The following SRRM3 variants were observed in gnomAD, a reference collection of about 807,000 sequenced individuals.
The protein encoded by SRRM3 is serine/arginine repetitive matrix protein 3.
Under a neutral mutation model 66.2 loss-of-function variants are expected in SRRM3, and 27 were observed. The observed-to-expected ratio is 0.41, with a 90% CI of 0.30 to 0.56. The LOEUF (loss-of-function observed/expected upper bound fraction) is 0.56, where lower values mean the gene tolerates loss of function less well. Among genes scored for constraint, SRRM3 ranks in the 20% least tolerant of loss-of-function variants. SRRM3 has a pLI of 0.32. For synonymous variants in SRRM3, 391 were observed against 414.9 expected, an observed-to-expected ratio of 0.94 and a Z score of 0.70; for missense variants, 918 against 991.9, an observed-to-expected ratio of 0.93 and a Z score of 1.00.
chr7:76,226,711 C>T (rs1014060817), intron 1 of SRRM3, among the ~76,000 whole-genome samples: 5 of 152,190 alleles, frequency 3.3e-5, no homozygotes, highest in Non-Finnish European at 5.9e-5. Flanking sequence ...CTGCCTCAGC[C>T]TCCCAAGTAG....
intron 1 of SRRM3, among the ~76,000 whole-genome samples, chr7:76,209,832 C>A (rs1414792363): frequency 6.6e-6 from 1 of 152,088 alleles, no homozygotes; most frequent in African/African-American, 2.4e-5. Flanking sequence ...TCTCAAATGC[C>A]TGGCCTCAAG....
chr7:76,204,013 G>C (rs1298777775), intron 1 of SRRM3, among the ~76,000 whole-genome samples: 2 of 152,078 alleles, frequency 1.3e-5, no homozygotes, highest in African/African-American at 2.4e-5. Context: ...CCTGCCAAAG[G>C]GGGGGTCTGG....
At chr7:76,262,531 A>AC (rs1583922246) in intron 8 of SRRM3, among the ~76,000 whole-genome samples, 2 of 151,444 alleles carry the variant, frequency 1.3e-5, no homozygotes, top group East Asian at 3.9e-4. Flanking sequence ...AAAAAAAAAA[A>AC]AAAACAAAGT....
chr7:76,236,589 C>A (rs1194537750), intron 2 of SRRM3, among the ~76,000 whole-genome samples: 1 of 152,182 alleles, frequency 6.6e-6, no homozygotes, highest in Non-Finnish European at 1.5e-5. Flanking sequence ...CTTAGGAAGA[C>A]CCCCAGGCTT....
intron 8 of SRRM3, among the ~76,000 whole-genome samples, chr7:76,264,461 C>T (rs1361871809): frequency 6.6e-6 from 1 of 152,126 alleles, no homozygotes; most frequent in African/African-American, 2.4e-5. Context: ...CCACCATGCC[C>T]GGCTATAGCA....
intron 2 of SRRM3, among the ~76,000 whole-genome samples, chr7:76,240,399 T>C (rs1801255040): frequency 6.6e-6 from 1 of 151,954 alleles, no homozygotes; most frequent in Non-Finnish European, 1.5e-5. Flanking sequence ...GGCGAGCAGA[T>C]CACGAGGTCA....
chr7:76,265,518 C>T, intron 10 of SRRM3, 50 bp downstream of exon 10: 7 of 1,440,290 alleles, frequency 4.9e-6, no homozygotes, highest in Non-Finnish European at 6.7e-6. Flanking sequence ...ATGAGGGTTG[C>T]AGATTAAACA....
chr7:76,202,341 G>T (rs1200770793), intron 1 of SRRM3, among the ~76,000 whole-genome samples: 4 of 152,200 alleles, frequency 2.6e-5, no homozygotes, highest in African/African-American at 9.6e-5. Flanking sequence ...CCATGAGGGT[G>T]CCAGGGAGGC....
At chr7:76,255,141 T>C (rs868972007) in intron 3 of SRRM3, among the ~76,000 whole-genome samples, 31 of 110,024 alleles carry the variant, frequency 2.8e-4, no homozygotes, top group African/African-American at 9.2e-4. Context: ...TCTTTCTTTC[T>C]TTCTTTCTTT....
At chr7:76,261,479 G>T in intron 7 of SRRM3, 65 bp downstream of exon 7, 1 of 1,600,030 alleles carries the variant, frequency 6.2e-7, no homozygotes, top group South Asian at 1.1e-5. Flanking sequence ...CCAGGGCTGT[G>T]GCCCTCCATA....
intron 11 of SRRM3, among the ~76,000 whole-genome samples, chr7:76,274,858 C>T (rs543155823): frequency 2.8e-4 from 43 of 152,368 alleles, no homozygotes; most frequent in Middle Eastern, 3.4e-3. Flanking sequence ...GTAATCCCAG[C>T]ACTCTGGGAG....
At position 76,285,907 on chromosome 7, in the gene SRRM3, C is replaced by T. The variant is rs1802657675; in HGVS notation, c.*64C>T. On this transcript the variant is annotated 3_prime_UTR_variant, in exon 15 of 15. Coordinates refer to ENST00000611745, the MANE Select transcript of SRRM3 (RefSeq NM_001110199.3). The surrounding 1 kb of genome is among the most constrained non-coding windows in gnomAD (Gnocchi z 4.1). ...GAGAGGCGAGGGGCGGGCCCCAGGA[C>T]CCCAGTGGGGAGGGGGCTATATCTC... 3.4e-6 allele frequency: 5 copies of T among 1,475,508 alleles called. No homozygotes were observed. The highest frequency in any genetic ancestry group is 4.5e-6 in the Non-Finnish European group (5 of 1,099,290). The allele number at this position is 1,475,508 out of a possible 1,614,324, so 91.4% of individuals were successfully genotyped here.
At chr7:76,249,317 C>G (rs1801515197) in intron 3 of SRRM3, among the ~76,000 whole-genome samples, 1 of 150,926 alleles carries the variant, frequency 6.6e-6, no homozygotes. Context: ...ACCTGGAAGG[C>G]GGAGGTTGCA....
chr7:76,214,799 G>A (rs1310867567), intron 1 of SRRM3, among the ~76,000 whole-genome samples: 1 of 152,056 alleles, frequency 6.6e-6, no homozygotes, highest in African/African-American at 2.4e-5. Flanking sequence ...AATAGAGATG[G>A]GGTCTTGTTA....
At chr7:76,226,504 G>A (rs1244144174) in intron 1 of SRRM3, among the ~76,000 whole-genome samples, 1 of 152,260 alleles carries the variant, frequency 6.6e-6, no homozygotes, top group Non-Finnish European at 1.5e-5. Flanking sequence ...CTCTAAGGGT[G>A]GCCGGTGGGG....
At position 76,221,109 on chromosome 7, in the gene SRRM3, G is replaced by T. The variant is rs1419072082; in HGVS notation, c.-39-13919G>T. Among the ~76,000 whole-genome samples the T allele has an allele frequency of 9.9e-5, 15 of 151,014 alleles. No homozygotes were observed. The East Asian group carries it at 2.7e-3, about 27-fold the overall frequency. ...GTCTCACTTTGTTGCCCAGGCTGGA[G>T]TGCAGTGGCGCAATCTCAGTTCACC... On this transcript the variant is annotated intron_variant, in intron 1 of 14. Transcript: ENST00000611745.
intron 2 of SRRM3, among the ~76,000 whole-genome samples, chr7:76,243,206 C>T (rs1161646277): frequency 6.6e-6 from 1 of 152,188 alleles, no homozygotes. Context: ...AGCACATGGA[C>T]TTGCCCAAGG....
At chr7:76,215,234 A>G (rs1456212006) in intron 1 of SRRM3, among the ~76,000 whole-genome samples, 1 of 151,966 alleles carries the variant, frequency 6.6e-6, no homozygotes, top group Non-Finnish European at 1.5e-5. Flanking sequence ...ACAACAACAA[A>G]AAAAACTACT....
chr7:76,204,734 G>T (rs750251858), intron 1 of SRRM3, among the ~76,000 whole-genome samples: 2 of 152,076 alleles, frequency 1.3e-5, no homozygotes, highest in East Asian at 3.9e-4. Flanking sequence ...GACCTTGAAG[G>T]GGTCCCTTCC....
Sources: allele counts gnomAD v4.1 joint callset (sites outside exome capture counted in the v4.1 genomes callset), GRCh38; gene constraint gnomAD v4.1.1; non-coding constraint Gnocchi (gnomAD v3.1); transcripts MANE v1.5; gene names NCBI Gene and HGNC (gene_info 2026-07-23, HGNC 2026-07-21).